KAZN: variants seen among roughly 807,000 people sequenced by gnomAD.
The protein encoded by KAZN is kazrin, periplakin interacting protein, also known as kazrin.
A neutral mutation model predicts 87.4 loss-of-function variants in KAZN; 40 were observed. The observed-to-expected ratio is 0.46, with a 90% confidence interval of 0.36 to 0.60. The LOEUF is 0.60. Ranked by LOEUF, KAZN falls within the 20% of genes least tolerant of loss-of-function variation. The pLI is 0.00. For missense variants in KAZN, 898 were observed against 1,073.9 expected (o/e 0.84, Z 2.29); for synonymous variants, 466 against 458.3 (o/e 1.02, Z -0.22).
chr1:15,013,733 G>A (rs1389207821), intron 2 of KAZN, among the ~76,000 whole-genome samples: 2 of 150,926 alleles, frequency 1.3e-5, no homozygotes, highest in African/African-American at 4.9e-5. Context: ...CAACCTGGGC[G>A]AAAGAGCAAG....
intron 1 of KAZN, among the ~76,000 whole-genome samples, chr1:14,648,654 C>G (rs2148689783): frequency 6.6e-6 from 1 of 152,252 alleles, no homozygotes; most frequent in African/African-American, 2.4e-5. Context: ...GAGCAACTTC[C>G]AAGTTGACCA....
chr1:14,558,800 T>C (rs1674075622), intron 2 of KAZN, among the ~76,000 whole-genome samples: 1 of 152,162 alleles, frequency 6.6e-6, no homozygotes, highest in Non-Finnish European at 1.5e-5. Flanking sequence ...GAGTAGGCTG[T>C]TCCGGTTAAG....
At chr1:14,364,000 G>T (rs1659748444) in intron 2 of KAZN, among the ~76,000 whole-genome samples, 1 of 149,770 alleles carries the variant, frequency 6.7e-6, no homozygotes, top group South Asian at 2.1e-4. Flanking sequence ...GGAAGAGAGA[G>T]ATATAGCAGG....
rs145803756 is a variant in KAZN, at chr1:14,559,988, A to C, written c.250-38995A>C. On this transcript the variant is annotated intron_variant, in intron 2 of 16. Coordinates refer to the KAZN transcript ENST00000636203. ...AAATAAGTCAATATGGTGAGTTTTC[A>C]TAATGCCTGACTTATTCAGTTCAAA... 3.9e-4 allele frequency among the ~76,000 whole-genome samples: 59 copies of C among 152,346 alleles called. No homozygotes were observed. In the East Asian group the frequency reaches 0.011, roughly 28 times the overall value.
intron 1 of KAZN, among the ~76,000 whole-genome samples, chr1:14,811,219 A>C (rs747691066): frequency 6.6e-6 from 1 of 151,942 alleles, no homozygotes; most frequent in Non-Finnish European, 1.5e-5. Context: ...CCTCACAGTA[A>C]TTAGCACGTC....
At chr1:14,417,224 A>G (rs971463337) in intron 2 of KAZN, among the ~76,000 whole-genome samples, 2 of 152,010 alleles carry the variant, frequency 1.3e-5, no homozygotes, top group African/African-American at 4.8e-5. Context: ...CAATAATCCT[A>G]GGTACTTTCT....
chr1:14,664,333 T>C (rs1639375542), intron 1 of KAZN, among the ~76,000 whole-genome samples: 1 of 152,248 alleles, frequency 6.6e-6, no homozygotes, highest in Middle Eastern at 3.4e-3. Context: ...CTCGGGAGGC[T>C]GAGGCATGAG....
At chr1:15,014,007 A>G (rs1669842279) in intron 2 of KAZN, among the ~76,000 whole-genome samples, 1 of 152,058 alleles carries the variant, frequency 6.6e-6, no homozygotes, top group Admixed American at 6.6e-5. Context: ...GCTTAAGTGA[A>G]CCCATGGCCG....
chr1:14,903,251 C>T lies in KAZN; in HGVS notation c.227-57433C>T, dbSNP rs182534669. Among the ~76,000 whole-genome samples the T allele has an allele frequency of 3.3e-3, 506 of 152,280 alleles. 4 individuals carry two copies. The highest frequency in any genetic ancestry group is 4.6e-3 in the Non-Finnish European group (314 of 68,012). Reference sequence around the variant, plus strand: ...AAGGCAAGAAAAAAATTGCTGATAGCGTCTCCATGCTTGTAAACCCAAACA... The same window carrying T: ...AAGGCAAGAAAAAAATTGCTGATAGTGTCTCCATGCTTGTAAACCCAAACA... On this transcript the variant is annotated intron_variant, in intron 1 of 14. Transcript: ENST00000376030.
At chr1:14,990,120 C>A (rs1667208285) in intron 2 of KAZN, among the ~76,000 whole-genome samples, 1 of 152,184 alleles carries the variant, frequency 6.6e-6, no homozygotes. Flanking sequence ...ATTCCAAAGT[C>A]CAAGGTTGGG....
intron 1 of KAZN, among the ~76,000 whole-genome samples, chr1:14,068,713 C>T (rs1011016856): frequency 1.3e-5 from 2 of 152,108 alleles, no homozygotes; most frequent in Non-Finnish European, 2.9e-5. Flanking sequence ...CTTTTCCCTA[C>T]GACAGAGAAT....
chr1:14,693,231 G>A (rs757561922), intron 1 of KAZN, among the ~76,000 whole-genome samples: 5 of 152,086 alleles, frequency 3.3e-5, no homozygotes, highest in Non-Finnish European at 7.4e-5. Flanking sequence ...CACCTCCTTC[G>A]CATTTGCCGT....
chr1:14,323,952 A>G (rs997183479), intron 2 of KAZN, among the ~76,000 whole-genome samples: 2 of 152,192 alleles, frequency 1.3e-5, no homozygotes, highest in Admixed American at 6.5e-5. Flanking sequence ...ACTTGGATTC[A>G]TGAGGCTCTG....
At chr1:14,419,591 A>G (rs866852064) in intron 2 of KAZN, among the ~76,000 whole-genome samples, 3 of 152,212 alleles carry the variant, frequency 2.0e-5, no homozygotes, top group Middle Eastern at 6.8e-3. Flanking sequence ...GACCCTCGCG[A>G]TTTGAGTGTT....
intron 2 of KAZN, among the ~76,000 whole-genome samples, chr1:14,423,763 C>G (rs923615786): frequency 1.3e-5 from 2 of 152,174 alleles, no homozygotes; most frequent in East Asian, 3.8e-4. Flanking sequence ...CCACATGGAC[C>G]AGTGACCCGG....
rs1273646422 is a variant in KAZN, at chr1:14,077,223, C to T, written c.92-103212C>T. Among the ~76,000 whole-genome samples, 3 of 152,118 alleles carry T rather than the reference C, an allele frequency of 2.0e-5. No homozygotes were observed. The South Asian group carries it at 6.2e-4, about 32-fold the overall frequency. On this transcript the variant is annotated intron_variant, in intron 1 of 16. Coordinates refer to the KAZN transcript ENST00000636203. ...AGTTCTTTGATCCCAGGTGTTCGTT[C>T]TGCTATTGGCTTGCCACTGTCACCG...
intron 1 of KAZN, among the ~76,000 whole-genome samples, chr1:14,842,539 G>A (rs765734457): frequency 2.0e-5 from 3 of 152,164 alleles, no homozygotes; most frequent in East Asian, 1.9e-4. Flanking sequence ...CTACATCATC[G>A]AGTGAAATAT....
chr1:14,209,029 G>A (rs534294617), intron 2 of KAZN, among the ~76,000 whole-genome samples: 62 of 152,316 alleles, frequency 4.1e-4, no homozygotes, highest in African/African-American at 1.3e-3. Context: ...ATGTTGCTAT[G>A]CAACTGAATG....
intron 2 of KAZN, among the ~76,000 whole-genome samples, chr1:14,436,316 G>A (rs1416083330): frequency 6.6e-6 from 1 of 152,124 alleles, no homozygotes; most frequent in East Asian, 1.9e-4. Flanking sequence ...GGTTGAGTCA[G>A]AATTAAGTGA....
Sources: gnomAD v4.1 joint callset for allele counts (sites outside exome capture counted in the v4.1 genomes callset) on GRCh38, gnomAD v4.1.1 for gene constraint, MANE v1.5 for transcripts, NCBI Gene and HGNC (gene_info 2026-07-23, HGNC 2026-07-21) for gene names.